The following CD1B variants were observed in gnomAD, a reference collection of about 807,000 sequenced individuals.
CD1B encodes the protein CD1b molecule.
CD1B carries 43 observed loss-of-function variants against 39.8 expected under a neutral mutation model. The observed-to-expected ratio is 1.08, with a 90% confidence interval of 0.85 to 1.39. The LOEUF is 1.39. Ranked by LOEUF, CD1B falls within the 40% of genes most tolerant of loss-of-function variation. The pLI, the probability that CD1B is intolerant of heterozygous loss-of-function variation, is 0.00. For synonymous variants in CD1B, 192 were observed against 152.5 expected, an observed-to-expected ratio of 1.26 and a Z score of -1.91; for missense variants, 495 against 403.8, an observed-to-expected ratio of 1.23 and a Z score of -1.94.
At chr1:158,288,640 A>G in the CD1B span, among the ~76,000 whole-genome samples, 1 of 152,160 alleles carries the variant, frequency 6.6e-6, no homozygotes, top group Non-Finnish European at 1.5e-5. Flanking sequence ...TGATCTTCCC[A>G]CCTTGGTCTC....
chr1:158,329,077 T>A, intron 4 of CD1B, 63 bp from the exon 5 acceptor site: 1 of 1,369,968 alleles, frequency 7.3e-7, no homozygotes. Flanking sequence ...TTCCTTGGCC[T>A]TCCTTTGCCC....
downstream of CD1B, among the ~76,000 whole-genome samples, chr1:158,325,944 C>G (rs1478637606): frequency 6.6e-6 from 1 of 152,096 alleles, no homozygotes; most frequent in Non-Finnish European, 1.5e-5. Context: ...AAACCTGAAT[C>G]TGAGCACATC....
chr1:158,306,206 A>T, the CD1B span, among the ~76,000 whole-genome samples: 1 of 152,248 alleles, frequency 6.6e-6, no homozygotes, highest in Non-Finnish European at 1.5e-5. Context: ...AGAGACACAC[A>T]TAGGCTCAAA....
the CD1B span, among the ~76,000 whole-genome samples, chr1:158,289,304 C>A: frequency 6.6e-6 from 1 of 152,126 alleles, no homozygotes; most frequent in Non-Finnish European, 1.5e-5. Flanking sequence ...CAACCATGTA[C>A]TATGTAATTT....
the CD1B span, among the ~76,000 whole-genome samples, chr1:158,307,478 G>T: frequency 0.018 from 2,774 of 152,158 alleles, 44 homozygotes; most frequent in Non-Finnish European, 0.025. Context: ...GGACCCAATG[G>T]ATTCACTGCC....
the CD1B span, among the ~76,000 whole-genome samples, chr1:158,304,031 G>T: frequency 6.7e-4 from 102 of 152,254 alleles, 1 homozygote; most frequent in Non-Finnish European, 1.2e-3. Flanking sequence ...GAAGACGGGT[G>T]ATTTCTGCAT....
the CD1B span, among the ~76,000 whole-genome samples, chr1:158,313,489 T>G: frequency 6.6e-6 from 1 of 152,152 alleles, no homozygotes; most frequent in Admixed American, 6.5e-5. Context: ...ATTTGTACTT[T>G]TTTTAGAGAC....
chr1:158,295,438 C>T, the CD1B span, among the ~76,000 whole-genome samples: 12 of 151,024 alleles, frequency 7.9e-5, no homozygotes, highest in South Asian at 2.1e-4. Context: ...GAGACCCCCA[C>T]GACCCACACA....
In CD1B at chr1:158,331,014, G is replaced by A. The variant is rs187304052; in HGVS notation, c.110C>T (p.Thr37Ile). 9.3e-6 allele frequency: 15 copies of A among 1,614,108 alleles called. No homozygotes were observed. Among genetic ancestry groups the A allele is most frequent in the Admixed American group, 5.0e-5 (3 of 60,008 alleles). The change falls in exon 2 of 6, where the codon ACC becomes ATC. Residue 37 changes from threonine to isoleucine, a missense_variant. Coordinates refer to ENST00000368168, the MANE Select transcript of CD1B (RefSeq NM_001764.3). The part of the protein sequence containing the change: ...SFHVIQTSSF[T>I]NSTWAQTQGS... ...TTGAGTTTGTGCCCAGGTACTATTG[G>A]TAAAGGACGAGGTCTGGATAACATG...
the CD1B span, among the ~76,000 whole-genome samples, chr1:158,300,851 T>A: frequency 2.7e-5 from 4 of 149,898 alleles, no homozygotes; most frequent in African/African-American, 9.8e-5. Flanking sequence ...CTCTTCCTCC[T>A]GTGTTCATAC....
chr1:158,293,826 G>T, the CD1B span, among the ~76,000 whole-genome samples: 1 of 152,102 alleles, frequency 6.6e-6, no homozygotes, highest in African/African-American at 2.4e-5. Flanking sequence ...CTTTTAGGAG[G>T]CAAGGATCAT....
At chr1:158,316,565 A>G in the CD1B span, among the ~76,000 whole-genome samples, 1 of 151,712 alleles carries the variant, frequency 6.6e-6, no homozygotes, top group Non-Finnish European at 1.5e-5. Context: ...GGGCTGAGAC[A>G]ATGGGGTTTT....
chr1:158,318,755 G>A, the CD1B span, among the ~76,000 whole-genome samples: 4 of 152,138 alleles, frequency 2.6e-5, no homozygotes, highest in Non-Finnish European at 5.9e-5. Context: ...TTTCTTCCTA[G>A]TCTTGATGGT....
the CD1B span, among the ~76,000 whole-genome samples, chr1:158,285,843 G>C: frequency 6.6e-6 from 1 of 151,922 alleles, no homozygotes; most frequent in African/African-American, 2.4e-5. Flanking sequence ...AAGAAGGAGT[G>C]AATCACTTCA....
chr1:158,328,199 T>G lies in CD1B; in HGVS notation c.*37A>C. The G allele has an allele frequency of 6.4e-7, 1 of 1,566,360 alleles. No homozygotes were observed. The highest frequency in any genetic ancestry group is 8.8e-7 in the Non-Finnish European group (1 of 1,139,100). On this transcript the variant is annotated 3_prime_UTR_variant, in exon 6 of 6. Transcript: ENST00000368168. ...TGGGCTGATATCTTGGGCTTCTTGGTACTTATTGCGAATGGGAGAGGAGAC... is the reference window on the plus strand; with the variant it reads ...TGGGCTGATATCTTGGGCTTCTTGGGACTTATTGCGAATGGGAGAGGAGAC...
chr1:158,290,217 C>A, the CD1B span: 2 of 1,160,178 alleles, frequency 1.7e-6, no homozygotes, highest in Non-Finnish European at 1.3e-6. Context: ...TGCCAGAATG[C>A]TTGCCATCTG....
intron 1 of CD1B, 90 bp from the exon 2 acceptor site, chr1:158,331,152 A>G: frequency 7.4e-7 from 1 of 1,357,184 alleles, no homozygotes; most frequent in East Asian, 2.3e-5. Context: ...TTTAGAAAAC[A>G]AGAACCTAGA....
the CD1B span, among the ~76,000 whole-genome samples, chr1:158,314,788 C>A: frequency 6.6e-6 from 1 of 150,826 alleles, no homozygotes; most frequent in Non-Finnish European, 1.5e-5. Flanking sequence ...GTATATCTCC[C>A]AATGCTATCC....
chr1:158,302,498 G>A, the CD1B span, among the ~76,000 whole-genome samples: 3 of 151,612 alleles, frequency 2.0e-5, no homozygotes, highest in African/African-American at 7.3e-5. Context: ...CAAAAAAATT[G>A]GTAATTTGAA....
Sources: gnomAD v4.1 joint callset for allele counts (sites outside exome capture counted in the v4.1 genomes callset) on GRCh38, gnomAD v4.1.1 for gene constraint, MANE v1.5 for transcripts, NCBI Gene and HGNC (gene_info 2026-07-23, HGNC 2026-07-21) for gene names.